Variants in NCOA1 observed in about 807,000 individuals in gnomAD.
The protein encoded by NCOA1 is Hin-2 protein.
A neutral mutation model predicts 150.9 loss-of-function variants in NCOA1; 35 were observed. The observed-to-expected ratio is 0.23, with a 90% CI of 0.18 to 0.31. NCOA1 has a LOEUF of 0.31. Ranked by LOEUF, NCOA1 falls within the 10% of genes least tolerant of loss-of-function variation. The pLI is 1.00. For missense variants in NCOA1, 1,491 were observed against 1,749.3 expected (o/e 0.85, Z 2.63); for synonymous variants, 590 against 630.0 (o/e 0.94, Z 0.95).
intron 3 of NCOA1, among the ~76,000 whole-genome samples, chr2:24,641,807 C>T (rs1426727237): frequency 2.6e-5 from 4 of 151,690 alleles, no homozygotes; most frequent in African/African-American, 4.8e-5. Flanking sequence ...TTTTTTTTAG[C>T]GGTTTGACTG....
Position 24,768,379 on chromosome 2 carries a change from A to G in NCOA1, c.4314A>G (p.Leu1438=), listed in dbSNP as rs1441982107. 2.5e-6 allele frequency: 4 copies of G among 1,609,334 alleles called. No homozygotes were observed. Among genetic ancestry groups the G allele is most frequent in the African/African-American group, 1.3e-5 (1 of 74,712 alleles). The stretch of plus-strand genomic sequence containing the variant: ...AGCAGAAGAGCCTCCTTCAGCAGCT[A>G]CTGACTGAATAACCACTTTTAAAGG... The part of the protein sequence containing the change: ...QAQQKSLLQQ[L]LTE Residue 1438 remains leucine, a synonymous_variant, in exon 23 of 23, where the codon CTA becomes CTG. Transcript: ENST00000348332.
At chr2:24,710,723 AT>A (rs10716492) in intron 13 of NCOA1, among the ~76,000 whole-genome samples, 113,872 of 151,964 alleles carry the variant, frequency 0.75, 44,682 homozygotes, top group Non-Finnish European at 0.85. Flanking sequence ...TATGAATACT[AT>A]TATCAGAAGC....
At chr2:24,556,037 C>A (rs769184942) in intron 1 of NCOA1, 1 of 152,128 alleles carries the variant, frequency 6.6e-6, no homozygotes, top group African/African-American at 2.4e-5. Context: ...CGTGCCAGAT[C>A]TGCAGGTTTG....
chr2:24,543,380 C>T (rs1665476619), intron 1 of NCOA1, among the ~76,000 whole-genome samples: 1 of 152,122 alleles, frequency 6.6e-6, no homozygotes, highest in South Asian at 2.1e-4. Flanking sequence ...AGGGATCTGC[C>T]CCCATGACCC....
intron 3 of NCOA1, among the ~76,000 whole-genome samples, chr2:24,592,453 C>T (rs967717115): frequency 4.6e-5 from 7 of 152,108 alleles, no homozygotes; most frequent in Admixed American, 2.0e-4. Flanking sequence ...AGCACCTTGA[C>T]GGCTCATAGA....
At chr2:24,592,222 C>T (rs1158923310) in intron 3 of NCOA1, among the ~76,000 whole-genome samples, 4 of 152,114 alleles carry the variant, frequency 2.6e-5, no homozygotes, top group Non-Finnish European at 5.9e-5. Flanking sequence ...CAATAGGTAC[C>T]GTTAGGCTCA....
chr2:24,562,087 G>A (rs1028025180), intron 1 of NCOA1, among the ~76,000 whole-genome samples: 20 of 152,046 alleles, frequency 1.3e-4, no homozygotes, highest in Admixed American at 4.6e-4. Context: ...TATTAAAGGG[G>A]GAGAAATTTC....
intron 8 of NCOA1, among the ~76,000 whole-genome samples, chr2:24,686,950 C>A (rs1414117282): frequency 6.6e-6 from 1 of 151,396 alleles, no homozygotes; most frequent in African/African-American, 2.4e-5. Flanking sequence ...TTTTTTTTCA[C>A]ATCTCAGAAA....
intron 18 of NCOA1, among the ~76,000 whole-genome samples, chr2:24,740,240 A>C (rs1300702168): frequency 6.6e-6 from 1 of 152,236 alleles, no homozygotes; most frequent in South Asian, 2.1e-4. Flanking sequence ...CACCTGTATT[A>C]TTAAAGAGAT....
chr2:24,681,767 T>A (rs1043062082), intron 7 of NCOA1, among the ~76,000 whole-genome samples: 1 of 150,486 alleles, frequency 6.6e-6, no homozygotes, highest in Non-Finnish European at 1.5e-5. Flanking sequence ...CAGGCTGGAG[T>A]GCAGTGGCGC....
chr2:24,622,045 G>A (rs757280731), intron 3 of NCOA1, among the ~76,000 whole-genome samples: 1 of 152,212 alleles, frequency 6.6e-6, no homozygotes, highest in Non-Finnish European at 1.5e-5. Context: ...AAATCAGGCT[G>A]CATCCACTTA....
intron 16 of NCOA1, among the ~76,000 whole-genome samples, chr2:24,728,840 G>T (rs1476251270): frequency 1.3e-5 from 2 of 152,128 alleles, no homozygotes; most frequent in African/African-American, 4.8e-5. Flanking sequence ...ACACGATAGG[G>T]TGATAAAATC....
intron 2 of NCOA1, among the ~76,000 whole-genome samples, chr2:24,569,801 C>T (rs547772775): frequency 1.4e-5 from 2 of 146,940 alleles, no homozygotes; most frequent in African/African-American, 5.0e-5. Flanking sequence ...ACCCTGGGGG[C>T]GGAGGTTGCA....
At chr2:24,651,415 C>G (rs576805481) in intron 4 of NCOA1, among the ~76,000 whole-genome samples, 7 of 151,996 alleles carry the variant, frequency 4.6e-5, no homozygotes, top group Non-Finnish European at 8.8e-5. Context: ...ATAGGTGAGC[C>G]TGGAGGACAT....
chr2:24,694,779 G>C (rs1316719435), intron 10 of NCOA1, among the ~76,000 whole-genome samples: 2 of 151,668 alleles, frequency 1.3e-5, no homozygotes, highest in South Asian at 2.1e-4. Flanking sequence ...ACGTACTATG[G>C]ATATGTAGGT....
intron 3 of NCOA1, among the ~76,000 whole-genome samples, chr2:24,612,129 A>G (rs1668657686): frequency 6.6e-6 from 1 of 152,120 alleles, no homozygotes; most frequent in South Asian, 2.1e-4. Context: ...ATTCTCTAGC[A>G]CTTGCTTGTC....
intron 7 of NCOA1, among the ~76,000 whole-genome samples, chr2:24,681,105 T>G (rs1249219953): frequency 1.3e-5 from 2 of 150,268 alleles, no homozygotes; most frequent in Non-Finnish European, 3.0e-5. Context: ...GGCCCATGCC[T>G]GTAATCCCAG....
chr2:24,669,131 C>T (rs1336976737), intron 6 of NCOA1, among the ~76,000 whole-genome samples: 2 of 152,054 alleles, frequency 1.3e-5, no homozygotes, highest in African/African-American at 4.8e-5. Context: ...TTATGTCTAA[C>T]ATGGACAAAA....
At chr2:24,572,209 T>C (rs1339520214) in intron 2 of NCOA1, among the ~76,000 whole-genome samples, 1 of 152,190 alleles carries the variant, frequency 6.6e-6, no homozygotes, top group African/African-American at 2.4e-5. Flanking sequence ...TTAGTCACTT[T>C]AAGAAGTCCT....
Sources: allele counts gnomAD v4.1 joint callset (sites outside exome capture counted in the v4.1 genomes callset), GRCh38; gene constraint gnomAD v4.1.1; transcripts MANE v1.5; gene names NCBI Gene and HGNC (gene_info 2026-07-23, HGNC 2026-07-21).